The following DOCK5 variants were observed in gnomAD, a reference collection of about 807,000 sequenced individuals.
DOCK5 encodes the protein dedicator of cytokinesis protein 5.
In DOCK5, 142 loss-of-function variants were observed where a neutral mutation model predicts 251.8. That is an observed-to-expected ratio of 0.56 (90% CI 0.49 to 0.65). DOCK5 has a LOEUF of 0.65. Among genes scored for constraint, DOCK5 ranks in the 30% least tolerant of loss-of-function variants. The pLI, the probability that DOCK5 is intolerant of heterozygous loss-of-function variation, is 0.00. For synonymous variants in DOCK5, 842 were observed against 835.5 expected (o/e 1.01, Z -0.13); for missense variants, 2,111 against 2,312.3 (o/e 0.91, Z 1.79).
intron 2 of DOCK5, among the ~76,000 whole-genome samples, chr8:25,261,112 C>T (rs1803566950): frequency 6.6e-6 from 1 of 152,192 alleles, no homozygotes; most frequent in African/African-American, 2.4e-5. Context: ...AAAGTAGCTC[C>T]ATCCTCAGGA....
intron 30 of DOCK5, 118 bp from the exon 31 acceptor site, chr8:25,366,752 A>G: frequency 1.5e-6 from 1 of 677,686 alleles, no homozygotes; most frequent in East Asian, 2.9e-5. Context: ...TGTAGATTGT[A>G]TTTTGTTCTT....
chr8:25,401,085 G>T lies in DOCK5; in HGVS notation c.4926+19G>T. The T allele has an allele frequency of 6.2e-7, 1 of 1,612,404 alleles. No homozygotes were observed. Among genetic ancestry groups the T allele is most frequent in the South Asian group, 1.1e-5 (1 of 90,870 alleles). ...AACACTGGTAAGCATGATCTAAGTA[G>T]CCTTCACACCTTTTTCTAGGCTCTG... On this transcript the variant is annotated intron_variant, in intron 47 of 51. Transcript: ENST00000276440.
At chr8:25,392,513 G>A (rs939696103) in intron 43 of DOCK5, among the ~76,000 whole-genome samples, 2 of 151,984 alleles carry the variant, frequency 1.3e-5, no homozygotes, top group African/African-American at 4.8e-5. Flanking sequence ...TCTCTTCCTG[G>A]GCCTGCTGCT....
chr8:25,368,807 GTAACC>G, intron 33 of DOCK5, 82 bp downstream of exon 33: 1 of 1,386,598 alleles, frequency 7.2e-7, no homozygotes, highest in Non-Finnish European at 9.7e-7. Flanking sequence ...TAGAGAAGCA[GTAACC>G]TTAATAATGC....
At chr8:25,398,277 AAAGTCAATGAAAACTT>A in intron 45 of DOCK5, among the ~76,000 whole-genome samples, 1 of 152,368 alleles carries the variant, frequency 6.6e-6, no homozygotes, top group Middle Eastern at 3.4e-3. Context: ...TTGAAAGGTA[AAAGTCAATGAAAACTT>A]AAGTAAATAC....
At chr8:25,399,378 T>G (rs1237558978) in intron 45 of DOCK5, among the ~76,000 whole-genome samples, 2 of 152,216 alleles carry the variant, frequency 1.3e-5, no homozygotes, top group Non-Finnish European at 2.9e-5. Flanking sequence ...CATTTTCTTT[T>G]TAAAATAGCA....
intron 37 of DOCK5, 142 bp downstream of exon 37, chr8:25,374,796 A>G (rs779789205): frequency 6.4e-7 from 1 of 1,552,588 alleles, no homozygotes; most frequent in Non-Finnish European, 8.7e-7. Flanking sequence ...TTCTTTCTAA[A>G]TAGGCACAGC....
At chr8:25,405,967 T>G (rs1420454876) in intron 48 of DOCK5, among the ~76,000 whole-genome samples, 2 of 152,292 alleles carry the variant, frequency 1.3e-5, no homozygotes, top group African/African-American at 4.8e-5. Context: ...TTTTTTATTT[T>G]TATTTCTTTG....
intron 1 of DOCK5, among the ~76,000 whole-genome samples, chr8:25,204,690 GTCTT>G (rs1801959077): frequency 1.3e-5 from 2 of 152,264 alleles, no homozygotes; most frequent in South Asian, 2.1e-4. Context: ...TAATCCAGTA[GTCTT>G]TCTTCTAACT....
intron 21 of DOCK5, among the ~76,000 whole-genome samples, chr8:25,335,341 G>T (rs1457424172): frequency 6.6e-6 from 1 of 152,046 alleles, no homozygotes; most frequent in East Asian, 1.9e-4. Flanking sequence ...AGCACTCCAG[G>T]TGGTAGTAAT....
intron 13 of DOCK5, among the ~76,000 whole-genome samples, chr8:25,313,115 C>G (rs989420245): frequency 1.3e-5 from 2 of 152,082 alleles, no homozygotes; most frequent in Middle Eastern, 3.2e-3. Flanking sequence ...GACCCAACTC[C>G]CTGGGCTCAG....
intron 36 of DOCK5, among the ~76,000 whole-genome samples, chr8:25,373,916 A>C (rs1800918402): frequency 1.3e-5 from 2 of 152,148 alleles, no homozygotes; most frequent in African/African-American, 4.8e-5. Context: ...GGTGGGCAGG[A>C]GAGGCTGTAC....
At chr8:25,213,813 T>C (rs1257770925) in intron 1 of DOCK5, among the ~76,000 whole-genome samples, 1 of 152,224 alleles carries the variant, frequency 6.6e-6, no homozygotes, top group African/African-American at 2.4e-5. Context: ...AGGTGGAGTG[T>C]CCTCTTTAGA....
At chr8:25,374,735 G>T in intron 37 of DOCK5, 81 bp downstream of exon 37, 9 of 1,610,736 alleles carry the variant, frequency 5.6e-6, no homozygotes, top group South Asian at 4.4e-5. Flanking sequence ...TCATGATTTT[G>T]ATGGGAAAGA....
intron 2 of DOCK5, among the ~76,000 whole-genome samples, chr8:25,247,759 A>G (rs1394473993): frequency 1.3e-5 from 2 of 152,190 alleles, no homozygotes; most frequent in African/African-American, 4.8e-5. Context: ...CATTTCAAAT[A>G]CCATGCACTT....
intron 11 of DOCK5, among the ~76,000 whole-genome samples, chr8:25,306,367 A>T (rs1388116442): frequency 2.6e-5 from 4 of 152,184 alleles, no homozygotes; most frequent in Non-Finnish European, 5.9e-5. Flanking sequence ...CTATATAAAT[A>T]TGTATTGTAT....
intron 44 of DOCK5, 61 bp downstream of exon 44, chr8:25,392,943 C>T: frequency 1.4e-6 from 2 of 1,405,984 alleles, no homozygotes; most frequent in Non-Finnish European, 2.0e-6. Flanking sequence ...TAATAACAGC[C>T]TTTGTTGAAT....
At chr8:25,375,098 C>G in intron 37 of DOCK5, 1 of 728,618 alleles carries the variant, frequency 1.4e-6, no homozygotes, top group Non-Finnish European at 1.7e-6. Context: ...GTAATTATTT[C>G]TAGCCCTGAG....
intron 26 of DOCK5, among the ~76,000 whole-genome samples, chr8:25,350,121 A>C (rs539265864): frequency 6.6e-6 from 1 of 152,178 alleles, no homozygotes; most frequent in African/African-American, 2.4e-5. Flanking sequence ...GTGGCAATAG[A>C]TGTGTTAATT....
Sources: gnomAD v4.1 joint callset for allele counts (sites outside exome capture counted in the v4.1 genomes callset) on GRCh38, gnomAD v4.1.1 for gene constraint, MANE v1.5 for transcripts, NCBI Gene and HGNC (gene_info 2026-07-23, HGNC 2026-07-21) for gene names.